Variants in TMEM114 observed in about 807,000 individuals in gnomAD.
The protein encoded by TMEM114 is claudin-26.
TMEM114 carries 6 observed loss-of-function variants against 6.2 expected under a neutral mutation model. The ratio of observed to expected loss-of-function variants is 0.97; its 90% CI spans 0.53 to 1.91. TMEM114 has a LOEUF of 1.91. TMEM114 is among the 40% of genes most tolerant of loss of function. The pLI, the probability that TMEM114 is intolerant of heterozygous loss-of-function variation, is 0.01. For missense variants in TMEM114, 218 were observed against 158.3 expected (o/e 1.38, Z -2.02); for synonymous variants, 104 against 73.0 (o/e 1.42, Z -2.16).
chr16:8,537,857 T>A (rs1900404916), intron 2 of TMEM114: 1 of 152,306 alleles, frequency 6.6e-6, no homozygotes, highest in African/African-American at 2.4e-5. Flanking sequence ...GCTTATTGTG[T>A]ACTGATATGA....
At chr16:8,552,343 C>G (rs999646083) in intron 2 of TMEM114, among the ~76,000 whole-genome samples, 1 of 151,974 alleles carries the variant, frequency 6.6e-6, no homozygotes, top group Non-Finnish European at 1.5e-5. Flanking sequence ...ATATTCACTC[C>G]ACTGCTCTCC....
downstream of TMEM114, among the ~76,000 whole-genome samples, chr16:8,568,475 G>C (rs944453682): frequency 6.6e-6 from 1 of 152,184 alleles, no homozygotes; most frequent in Non-Finnish European, 1.5e-5. Flanking sequence ...GATGTTTGTT[G>C]AATGACTGAC....
intron 2 of TMEM114, among the ~76,000 whole-genome samples, chr16:8,539,987 T>A (rs1354589241): frequency 6.6e-6 from 1 of 151,882 alleles, no homozygotes; most frequent in Admixed American, 6.6e-5. Flanking sequence ...CTGGCTGATT[T>A]TTGTATTTTT....
At chr16:8,585,379 G>C (rs77951724) in intron 2 of TMEM114, among the ~76,000 whole-genome samples, 17,115 of 152,078 alleles carry the variant, frequency 0.11, 1,038 homozygotes, top group South Asian at 0.16. Flanking sequence ...AAATTACTTG[G>C]CACTGAAGTG....
intron 2 of TMEM114, among the ~76,000 whole-genome samples, chr16:8,548,449 T>A (rs919848002): frequency 2.6e-5 from 4 of 152,128 alleles, no homozygotes; most frequent in Non-Finnish European, 4.4e-5. Context: ...TTTATTATTA[T>A]TACCTCCCTG....
chr16:8,539,465 C>T (rs778795842), intron 2 of TMEM114, among the ~76,000 whole-genome samples: 4 of 152,206 alleles, frequency 2.6e-5, no homozygotes, highest in Non-Finnish European at 5.9e-5. Flanking sequence ...GAGGGCTCTG[C>T]CTCCTGCAAG....
At chr16:8,534,883 G>C (rs1360768083), downstream of TMEM114, among the ~76,000 whole-genome samples, 2 of 152,232 alleles carry the variant, frequency 1.3e-5, no homozygotes, top group Non-Finnish European at 1.5e-5. Context: ...TCCCCATTGG[G>C]ATCTTGGGAA....
intron 2 of TMEM114, among the ~76,000 whole-genome samples, chr16:8,556,703 A>T (rs1901020837): frequency 6.6e-6 from 1 of 152,226 alleles, no homozygotes; most frequent in Non-Finnish European, 1.5e-5. Flanking sequence ...GGGTTTCACC[A>T]TGTTGGCCAG....
At chr16:8,563,471 G>GGC in intron 2 of TMEM114, among the ~76,000 whole-genome samples, 2 of 151,298 alleles carry the variant, frequency 1.3e-5, no homozygotes, top group African/African-American at 4.9e-5. Flanking sequence ...ATGAGTAAGT[G>GGC]AATGAGTGAG....
chr16:8,588,242 A>G (rs1028223200), intron 2 of TMEM114, among the ~76,000 whole-genome samples: 78 of 149,484 alleles, frequency 5.2e-4, no homozygotes, highest in African/African-American at 1.8e-3. Flanking sequence ...AGCCAAGATT[A>G]TGCCACTGTA....
rs533108540 is a variant in TMEM114 at position 8,570,988 on chromosome 16, C to G, written c.440-983G>C. 5.3e-5 allele frequency among the ~76,000 whole-genome samples: 8 copies of G among 152,214 alleles called. 1 individual carries two copies. The South Asian group carries it at 1.7e-3, about 32-fold the overall frequency. ...TTTCGAGAATTTGTCACTGGGTGAA[C>G]TATTAATGCTAATAGTAATAATAAT... On this transcript the variant is annotated intron_variant, in intron 3 of 3. Coordinates refer to ENST00000620492, the MANE Select transcript of TMEM114 (RefSeq NM_001146336.2).
chr16:8,571,327 G>T (rs1345643488), intron 3 of TMEM114, among the ~76,000 whole-genome samples: 1 of 152,122 alleles, frequency 6.6e-6, no homozygotes, highest in Non-Finnish European at 1.5e-5. Context: ...AAAATTGTAT[G>T]TATTTACGGT....
At chr16:8,574,094 G>T (rs1348401254) in intron 2 of TMEM114, among the ~76,000 whole-genome samples, 1 of 152,144 alleles carries the variant, frequency 6.6e-6, no homozygotes, top group Non-Finnish European at 1.5e-5. Flanking sequence ...AACTGAGGGA[G>T]CCCAATAGAT....
chr16:8,551,379 C>A (rs1227503275), intron 2 of TMEM114, among the ~76,000 whole-genome samples: 1 of 152,164 alleles, frequency 6.6e-6, no homozygotes, highest in Non-Finnish European at 1.5e-5. Context: ...CCTGACTGAG[C>A]AAGTGGCTTA....
intron 2 of TMEM114, among the ~76,000 whole-genome samples, chr16:8,559,028 C>A (rs1014633458): frequency 2.0e-5 from 3 of 150,882 alleles, no homozygotes; most frequent in Admixed American, 6.6e-5. Flanking sequence ...AAGGCGTGAG[C>A]CACTGCACCC....
intron 2 of TMEM114, among the ~76,000 whole-genome samples, chr16:8,558,109 C>G (rs1901073493): frequency 6.6e-6 from 1 of 152,060 alleles, no homozygotes; most frequent in African/African-American, 2.4e-5. Flanking sequence ...CAGAAATTAG[C>G]TGGGTGTGTG....
At chr16:8,580,348 G>T (rs944806721) in intron 2 of TMEM114, among the ~76,000 whole-genome samples, 1 of 151,982 alleles carries the variant, frequency 6.6e-6, no homozygotes, top group South Asian at 2.1e-4. Flanking sequence ...TTAGCTGGAC[G>T]TGGTGATGTG....
intron 2 of TMEM114, among the ~76,000 whole-genome samples, chr16:8,557,237 G>C (rs1038065618): frequency 6.6e-6 from 1 of 152,138 alleles, no homozygotes; most frequent in Non-Finnish European, 1.5e-5. Flanking sequence ...TGACTTCTGA[G>C]ACTAGGTCAC....
intron 1 of TMEM114, 124 bp from the exon 2 acceptor site, chr16:8,589,417 A>G: frequency 2.5e-6 from 1 of 398,208 alleles, no homozygotes; most frequent in Non-Finnish European, 4.4e-6. Context: ...GGAGAGCTAG[A>G]GCAGTTGGGA....
Sources: allele counts gnomAD v4.1 joint callset (sites outside exome capture counted in the v4.1 genomes callset), GRCh38; gene constraint gnomAD v4.1.1; transcripts MANE v1.5; gene names NCBI Gene and HGNC (gene_info 2026-07-23, HGNC 2026-07-21).